Variants in TRIQK observed in about 807,000 individuals in gnomAD.
The protein encoded by TRIQK is triple QxxK/R motif containing.
In TRIQK, 10 loss-of-function variants were observed where a neutral mutation model predicts 10.8. That is an observed-to-expected ratio of 0.92 (90% CI 0.57 to 1.57). The LOEUF (loss-of-function observed/expected upper bound fraction) is 1.57, where lower values mean the gene tolerates loss of function less well. Among genes scored for constraint, TRIQK ranks in the 40% most tolerant of loss-of-function variants. The pLI is 0.00. For synonymous variants in TRIQK, 33 were observed against 33.7 expected (o/e 0.98, Z 0.07); for missense variants, 107 against 97.7 (o/e 1.09, Z -0.40).
At chr8:92,911,203 T>A (rs528983994) in intron 3 of TRIQK, among the ~76,000 whole-genome samples, 1 of 151,392 alleles carries the variant, frequency 6.6e-6, no homozygotes, top group Admixed American at 6.6e-5. Flanking sequence ...AAACATTTTA[T>A]GGAAGCCTCA....
intron 1 of TRIQK, among the ~76,000 whole-genome samples, chr8:92,963,197 A>C (rs1451022876): frequency 6.6e-6 from 1 of 152,232 alleles, no homozygotes; most frequent in African/African-American, 2.4e-5. Context: ...TAACGAAATA[A>C]CAGGTGCATA....
intron 1 of TRIQK, among the ~76,000 whole-genome samples, chr8:93,004,217 A>T (rs1289575449): frequency 6.6e-6 from 1 of 152,172 alleles, no homozygotes; most frequent in Non-Finnish European, 1.5e-5. Context: ...ACATCCTCTG[A>T]AATCTAGGCA....
chr8:92,930,821 A>C (rs2130550154), intron 2 of TRIQK, among the ~76,000 whole-genome samples: 1 of 152,302 alleles, frequency 6.6e-6, no homozygotes, highest in Admixed American at 6.5e-5. Flanking sequence ...ATTAAATAAA[A>C]CTCAAGATTG....
intron 3 of TRIQK, among the ~76,000 whole-genome samples, chr8:92,899,060 C>T (rs1012774479): frequency 2.0e-5 from 3 of 148,618 alleles, no homozygotes; most frequent in Non-Finnish European, 4.5e-5. Flanking sequence ...GGCACAATCT[C>T]GTCTCATTGT....
At chr8:93,014,747 G>GA (rs1306430586) in intron 1 of TRIQK, among the ~76,000 whole-genome samples, 4 of 151,888 alleles carry the variant, frequency 2.6e-5, no homozygotes, top group African/African-American at 7.2e-5. Flanking sequence ...TAAGAGAGGG[G>GA]AAAAAATCTG....
intron 1 of TRIQK, among the ~76,000 whole-genome samples, chr8:93,017,069 A>C (rs1179109382): frequency 6.6e-6 from 1 of 150,726 alleles, no homozygotes; most frequent in Non-Finnish European, 1.5e-5. Context: ...AATAATACTG[A>C]TTTTTAATAG....
At chr8:92,967,481 T>C (rs372076200), upstream of TRIQK, among the ~76,000 whole-genome samples, 6 of 152,276 alleles carry the variant, frequency 3.9e-5, no homozygotes, top group Admixed American at 2.6e-4. Flanking sequence ...TATAAAACTT[T>C]CTTGATTTGT....
chr8:92,933,730 TG>T (rs1430232681), intron 2 of TRIQK, among the ~76,000 whole-genome samples: 1 of 152,132 alleles, frequency 6.6e-6, no homozygotes, highest in Non-Finnish European at 1.5e-5. Flanking sequence ...AAATATAGCT[TG>T]TCTATATCAG....
chr8:92,953,637 T>C (rs1306892468), intron 2 of TRIQK: 1 of 151,902 alleles, frequency 6.6e-6, no homozygotes, highest in Non-Finnish European at 1.5e-5. Context: ...AGAAAATGCC[T>C]GGCACGTTCA....
intron 1 of TRIQK, among the ~76,000 whole-genome samples, chr8:93,011,601 T>C (rs1030476298): frequency 5.3e-5 from 8 of 151,900 alleles, no homozygotes; most frequent in Non-Finnish European, 1.2e-4. Flanking sequence ...GTAGAAGAAA[T>C]GGGAAGACTG....
chr8:92,974,731 T>C (rs1416455319), intron 1 of TRIQK: 2 of 152,204 alleles, frequency 1.3e-5, no homozygotes, highest in African/African-American at 4.8e-5. Flanking sequence ...TGGCCCTGAC[T>C]CATTCACCCA....
intron 1 of TRIQK, among the ~76,000 whole-genome samples, chr8:93,000,386 T>C (rs1406502046): frequency 6.6e-6 from 1 of 152,154 alleles, no homozygotes; most frequent in African/African-American, 2.4e-5. Context: ...CAAAGGCACA[T>C]CTTACATGGT....
At chr8:92,945,925 A>G (rs1224687211) in intron 2 of TRIQK, among the ~76,000 whole-genome samples, 1 of 151,976 alleles carries the variant, frequency 6.6e-6, no homozygotes, top group Non-Finnish European at 1.5e-5. Context: ...TAATATAATT[A>G]AGAACTAAAA....
At chr8:92,889,174 A>T (rs1318079620) in intron 4 of TRIQK, among the ~76,000 whole-genome samples, 1 of 151,618 alleles carries the variant, frequency 6.6e-6, no homozygotes. Flanking sequence ...TTCCCTTAAA[A>T]CGCTATTACT....
chr8:92,995,639 C>T (rs1039618641), intron 1 of TRIQK, among the ~76,000 whole-genome samples: 1 of 151,930 alleles, frequency 6.6e-6, no homozygotes, highest in African/African-American at 2.4e-5. Flanking sequence ...ATCATCTTCC[C>T]TCAAGTCAGC....
intron 1 of TRIQK, among the ~76,000 whole-genome samples, chr8:93,010,107 G>C (rs1052587653): frequency 2.0e-5 from 3 of 152,132 alleles, no homozygotes; most frequent in Admixed American, 2.0e-4. Context: ...TCAGAGACTG[G>C]GGAGAGTAGG....
At chr8:92,927,216 T>C (rs770389181) in intron 2 of TRIQK, among the ~76,000 whole-genome samples, 1 of 152,044 alleles carries the variant, frequency 6.6e-6, no homozygotes, top group Non-Finnish European at 1.5e-5. Flanking sequence ...AGTGCTGACA[T>C]AGGGAAGGGT....
chr8:92,981,708 T>G (rs541631770), intron 1 of TRIQK, among the ~76,000 whole-genome samples: 140 of 151,986 alleles, frequency 9.2e-4, no homozygotes, highest in African/African-American at 3.2e-3. Context: ...TTTACTGGCT[T>G]ATTTGTTTTC....
intron 3 of TRIQK, among the ~76,000 whole-genome samples, chr8:92,914,927 T>C (rs1809749509): frequency 1.3e-5 from 2 of 152,140 alleles, no homozygotes; most frequent in Admixed American, 1.3e-4. Flanking sequence ...CACTGCAGCA[T>C]TATTCACAAT....
Sources: gnomAD v4.1 joint callset for allele counts (sites outside exome capture counted in the v4.1 genomes callset) on GRCh38, gnomAD v4.1.1 for gene constraint, MANE v1.5 for transcripts, NCBI Gene and HGNC (gene_info 2026-07-23, HGNC 2026-07-21) for gene names.